The following PCDH9 variants were observed in gnomAD, a reference collection of about 807,000 sequenced individuals.
PCDH9 encodes protocadherin 9.
Under a neutral mutation model 70.6 loss-of-function variants are expected in PCDH9, and 24 were observed. That is an observed-to-expected ratio of 0.34 (90% CI 0.25 to 0.48). PCDH9 has a LOEUF of 0.48. PCDH9 is among the 20% of genes least tolerant of loss of function. The pLI, the probability that PCDH9 is intolerant of heterozygous loss-of-function variation, is 0.99. For missense variants in PCDH9, 1,281 were observed against 1,503.6 expected (o/e 0.85, Z 2.45); for synonymous variants, 562 against 558.5 (o/e 1.01, Z -0.09).
At chr13:66,658,086 G>A (rs1323167409) in intron 3 of PCDH9, among the ~76,000 whole-genome samples, 3 of 152,138 alleles carry the variant, frequency 2.0e-5, no homozygotes, top group Non-Finnish European at 4.4e-5. Context: ...CAAGAACAAT[G>A]CCATTTTCTA....
chr13:66,342,759 G>A (rs1956150768), intron 4 of PCDH9, among the ~76,000 whole-genome samples: 1 of 150,924 alleles, frequency 6.6e-6, no homozygotes, highest in Non-Finnish European at 1.5e-5. Flanking sequence ...ACAGGCTCCC[G>A]CCACCACATC....
chr13:67,140,721 A>G (rs1420386666), intron 2 of PCDH9, among the ~76,000 whole-genome samples: 2 of 152,184 alleles, frequency 1.3e-5, no homozygotes, highest in African/African-American at 4.8e-5. Flanking sequence ...TTGTACCTTC[A>G]GGAGAAATGC....
chr13:66,824,621 C>T (rs1328906920), intron 3 of PCDH9, among the ~76,000 whole-genome samples: 1 of 131,150 alleles, frequency 7.6e-6, no homozygotes, highest in Non-Finnish European at 1.6e-5. Flanking sequence ...TGCCATTGCA[C>T]TCCAACCTGG....
chr13:66,584,531 CATTT>C (rs1566436735), intron 4 of PCDH9, among the ~76,000 whole-genome samples: 1 of 152,088 alleles, frequency 6.6e-6, no homozygotes. Context: ...ATAAGTGATT[CATTT>C]AAGTTTCAGT....
chr13:67,123,503 T>C (rs535353329), intron 2 of PCDH9, among the ~76,000 whole-genome samples: 12 of 152,330 alleles, frequency 7.9e-5, no homozygotes, highest in Middle Eastern at 3.4e-3. Context: ...TTTTAAACAC[T>C]AGCTAAAGAC....
chr13:66,491,065 T>A (rs995040694), intron 4 of PCDH9, among the ~76,000 whole-genome samples: 2 of 152,200 alleles, frequency 1.3e-5, no homozygotes, highest in Non-Finnish European at 2.9e-5. Flanking sequence ...AGCTTCTTAG[T>A]TTCTCCTGAA....
chr13:66,747,527 A>G (rs1394694382), intron 3 of PCDH9, among the ~76,000 whole-genome samples: 2 of 152,220 alleles, frequency 1.3e-5, no homozygotes, highest in Non-Finnish European at 2.9e-5. Context: ...AAATACACTC[A>G]GGAGAGCATA....
intron 2 of PCDH9, among the ~76,000 whole-genome samples, chr13:67,013,984 CTG>C (rs1258074375): frequency 6.6e-6 from 1 of 152,000 alleles, no homozygotes; most frequent in Non-Finnish European, 1.5e-5. Flanking sequence ...ATTTCAAACT[CTG>C]TTTATTTGTT....
intron 3 of PCDH9, among the ~76,000 whole-genome samples, chr13:66,650,020 A>T (rs1479074816): frequency 6.6e-6 from 1 of 151,952 alleles, no homozygotes; most frequent in African/African-American, 2.4e-5. Flanking sequence ...GAATTCAAAC[A>T]TACCACCATA....
intron 2 of PCDH9, among the ~76,000 whole-genome samples, chr13:66,976,572 T>G (rs999055868): frequency 1.3e-5 from 2 of 152,084 alleles, no homozygotes; most frequent in Non-Finnish European, 2.9e-5. Context: ...CATACAATAT[T>G]TTACTGGGAG....
intron 3 of PCDH9, among the ~76,000 whole-genome samples, chr13:66,671,895 C>G (rs1180555495): frequency 6.6e-6 from 1 of 152,132 alleles, no homozygotes; most frequent in Admixed American, 6.5e-5. Flanking sequence ...ATTTTCTGAG[C>G]AGAAATTCAA....
In PCDH9 at chr13:66,730,876, G is replaced by GTTTTTTTTTTTTTTT. The variant is rs758928616; in HGVS notation, c.3139-99466_3139-99465insAAAAAAAAAAAAAAA. Among the ~76,000 whole-genome samples, 21 of 46,354 alleles carry GTTTTTTTTTTTTTTT rather than the reference G, an allele frequency of 4.5e-4. 4 individuals carry two copies. Among genetic ancestry groups the GTTTTTTTTTTTTTTT allele is most frequent in the African/African-American group, 1.4e-3 (19 of 13,274 alleles). The allele number at this position is 46,354 out of a possible 152,430, so 30.4% of individuals were successfully genotyped here. ...TGTTTTTGTTTTTTTGTGTGTGTGT[G>GTTTTTTTTTTTTTTT]TTTTTTTTTTGTTTGTTTCTTTTTT... On this transcript the variant is annotated intron_variant, in intron 3 of 4. Coordinates refer to ENST00000377865, the MANE Select transcript of PCDH9 (RefSeq NM_203487.3).
At chr13:66,847,809 C>T (rs2081238273) in intron 3 of PCDH9, among the ~76,000 whole-genome samples, 1 of 152,152 alleles carries the variant, frequency 6.6e-6, no homozygotes, top group Non-Finnish European at 1.5e-5. Flanking sequence ...AGAAGATGCA[C>T]AGGCCACATG....
At chr13:66,482,757 C>T (rs1040074720) in intron 4 of PCDH9, among the ~76,000 whole-genome samples, 1 of 152,098 alleles carries the variant, frequency 6.6e-6, no homozygotes, top group Admixed American at 6.6e-5. Flanking sequence ...TTCTGATCTC[C>T]CCTATATTTG....
chr13:66,802,462 G>T (rs1486081006), intron 3 of PCDH9, among the ~76,000 whole-genome samples: 7 of 152,032 alleles, frequency 4.6e-5, no homozygotes, highest in Admixed American at 4.6e-4. Context: ...AAACAGAGAT[G>T]TAATAAATGT....
chr13:66,379,473 T>C lies in PCDH9; in HGVS notation c.3341-74445A>G, dbSNP rs1009216500. 2.6e-5 allele frequency among the ~76,000 whole-genome samples: 4 copies of C among 152,174 alleles called. No homozygotes were observed. The East Asian group carries it at 5.8e-4, about 22-fold the overall frequency. ...CATCACTGTGTTCTGGGGTTATTTC[T>C]TGAGTGGCAAGGAAAAATGCATAGT... On this transcript the variant is annotated intron_variant, in intron 4 of 4. Coordinates refer to ENST00000377865, the MANE Select transcript of PCDH9 (RefSeq NM_203487.3).
chr13:66,867,633 C>G (rs1566252385), intron 3 of PCDH9, among the ~76,000 whole-genome samples: 2 of 151,914 alleles, frequency 1.3e-5, no homozygotes, highest in Admixed American at 6.6e-5. Context: ...AAAATACAAC[C>G]AAAATGTATT....
chr13:67,153,301 G>C (rs1170124132), intron 2 of PCDH9, among the ~76,000 whole-genome samples: 1 of 151,834 alleles, frequency 6.6e-6, no homozygotes, highest in African/African-American at 2.4e-5. Context: ...AGCTGGAACT[G>C]GAACTATAGG....
chr13:66,983,528 C>A (rs1359760507), intron 2 of PCDH9, among the ~76,000 whole-genome samples: 2 of 152,114 alleles, frequency 1.3e-5, no homozygotes, highest in Non-Finnish European at 2.9e-5. Flanking sequence ...TTTACTTTAT[C>A]CTTTTGAGAA....
Sources: gnomAD v4.1 joint callset for allele counts (sites outside exome capture counted in the v4.1 genomes callset) on GRCh38, gnomAD v4.1.1 for gene constraint, MANE v1.5 for transcripts, NCBI Gene and HGNC (gene_info 2026-07-23, HGNC 2026-07-21) for gene names.